Variants in FBN2 observed in about 807,000 individuals in gnomAD.
FBN2 encodes the protein fibrillin-2.
FBN2 carries 105 observed loss-of-function variants against 355.6 expected under a neutral mutation model. The ratio of observed to expected loss-of-function variants is 0.30; its 90% confidence interval spans 0.25 to 0.35. FBN2 has a LOEUF of 0.35. Ranked by LOEUF, FBN2 falls within the 10% of genes least tolerant of loss-of-function variation. The pLI is 1.00. For synonymous variants in FBN2, 1,350 were observed against 1,301.2 expected (o/e 1.04, Z -0.81); for missense variants, 3,280 against 3,758.7 (o/e 0.87, Z 3.33).
At chr5:128,277,340 TAGA>T (rs1344547463) in intron 58 of FBN2, among the ~76,000 whole-genome samples, 1 of 152,240 alleles carries the variant, frequency 6.6e-6, no homozygotes, top group Non-Finnish European at 1.5e-5. Flanking sequence ...TGTAAAATGA[TAGA>T]AGGATTCTGT....
At position 128,464,917 on chromosome 5, in the gene FBN2, G is replaced by A. The variant is rs1204572491; in HGVS notation, c.633C>T (p.Tyr211=). ...CCTGAGTGAAACACGGGCCTGTCCTGTAATCTGGAATGTGGGAGAAGAAAG... is the reference window on the plus strand; with the variant it reads ...CCTGAGTGAAACACGGGCCTGTCCTATAATCTGGAATGTGGGAGAAGAAAG... ...GFTGPQCERD[Y]RTGPCFTQVN... The change falls in exon 6 of 65, where the codon TAC becomes TAT. Residue 211 remains tyrosine (Y), a synonymous_variant. Coordinates refer to ENST00000262464, the MANE Select transcript of FBN2 (RefSeq NM_001999.4). 5 of 1,614,178 alleles carry A rather than the reference G, an allele frequency of 3.1e-6. No homozygotes were observed. The highest frequency in any genetic ancestry group is 1.1e-5 in the South Asian group (1 of 91,086).
chr5:128,327,299 G>A (rs1158542564), intron 34 of FBN2, among the ~76,000 whole-genome samples: 1 of 152,112 alleles, frequency 6.6e-6, no homozygotes, highest in Non-Finnish European at 1.5e-5. Flanking sequence ...CAAATTGGTT[G>A]CTATTTCTGG....
intron 5 of FBN2, among the ~76,000 whole-genome samples, chr5:128,497,121 G>T (rs562525184): frequency 6.6e-6 from 1 of 152,268 alleles, no homozygotes; most frequent in South Asian, 2.1e-4. Flanking sequence ...AAGACTGAAG[G>T]ATATCCTTTC....
chr5:128,402,360 T>A (rs1056762947), intron 8 of FBN2, among the ~76,000 whole-genome samples: 7 of 152,130 alleles, frequency 4.6e-5, no homozygotes, highest in African/African-American at 1.4e-4. Flanking sequence ...ATTCCTCTAA[T>A]CATTTTCTAT....
intron 55 of FBN2, 58 bp downstream of exon 55, chr5:128,286,660 A>C (rs1749154118): frequency 1.9e-6 from 3 of 1,601,928 alleles, no homozygotes; most frequent in African/African-American, 2.7e-5. Flanking sequence ...GAGTAGTGCC[A>C]TTAATGAGGC....
At position 128,286,771 on chromosome 5, in the gene FBN2, A is replaced by G. The variant is rs749681942; in HGVS notation, c.6959T>C (p.Met2320Thr). ...MMCKNLIGTF[M>T]CICPPGMARR... The stretch of plus-strand genomic sequence containing the variant: ...GGCCATTCCAGGAGGGCAGATGCAC[A>G]TGAAGGTGCCGATTAGATTCTTACA... Residue 2320 changes from methionine to threonine, a missense_variant, in exon 55 of 65, where the codon ATG becomes ACG. Met to Thr is a moderately conservative substitution (Grantham distance 81). Around this residue, in one of 6 missense-constraint regions of FBN2, gnomAD observed 2,284 missense variants for 2,749.5 expected, o/e 0.83. Transcript: ENST00000262464. 3.1e-6 allele frequency: 5 copies of G among 1,614,008 alleles called. No homozygotes were observed. Among genetic ancestry groups the G allele is most frequent in the Admixed American group, 3.3e-5 (2 of 60,006 alleles).
At chr5:128,262,006 G>A in intron 63 of FBN2, 99 bp from the exon 64 acceptor site, 1 of 907,304 alleles carries the variant, frequency 1.1e-6, no homozygotes, top group Non-Finnish European at 1.8e-6. Context: ...AACCAACAGA[G>A]CAAACACTAA....
chr5:128,265,823 T>C (rs1489640120), intron 62 of FBN2, among the ~76,000 whole-genome samples: 1 of 152,208 alleles, frequency 6.6e-6, no homozygotes, highest in Non-Finnish European at 1.5e-5. Context: ...CAAAGAACTT[T>C]CATTCTTCTT....
intron 14 of FBN2, among the ~76,000 whole-genome samples, 174 bp from the exon 15 acceptor site, chr5:128,374,924 A>G (rs555513697): frequency 1.3e-5 from 2 of 152,318 alleles, no homozygotes; most frequent in East Asian, 3.9e-4. Flanking sequence ...CTTTCAACAC[A>G]TTTCAGAATG....
chr5:128,319,469 TTTTAGTTAATTTAGTTAATTAAATAAA>T (rs539901597), intron 34 of FBN2, among the ~76,000 whole-genome samples: 27 of 151,726 alleles, frequency 1.8e-4, no homozygotes, highest in East Asian at 9.7e-4. Context: ...AAAATTAACT[TTTTAGTTAATTTAGTTAATTAAATAAA>T]TTTAGTTAAT....
chr5:128,413,997 C>T (rs2127006395), intron 7 of FBN2, among the ~76,000 whole-genome samples: 1 of 152,248 alleles, frequency 6.6e-6, no homozygotes, highest in African/African-American at 2.4e-5. Flanking sequence ...TCCAGCTTTT[C>T]TAAAGACAAC....
At chr5:128,307,279 C>A in intron 41 of FBN2, 76 bp from the exon 42 acceptor site, 3 of 866,804 alleles carry the variant, frequency 3.5e-6, no homozygotes, top group Non-Finnish European at 5.9e-6. Flanking sequence ...ATTACTTTCA[C>A]AAACAAATAT....
At chr5:128,464,076 A>G (rs1265401391) in intron 6 of FBN2, among the ~76,000 whole-genome samples, 1 of 152,216 alleles carries the variant, frequency 6.6e-6, no homozygotes, top group Non-Finnish European at 1.5e-5. Context: ...AAAATAATTA[A>G]TCAGTAAATA....
chr5:128,401,652 G>T (rs573417336), intron 8 of FBN2, among the ~76,000 whole-genome samples: 2 of 152,150 alleles, frequency 1.3e-5, no homozygotes, highest in Middle Eastern at 6.8e-3. Context: ...GTGGTGGCAC[G>T]TTGCTGTAGT....
rs1581260074 is a variant in FBN2 at position 128,393,069 on chromosome 5, T to C, written c.1465+66A>G. On this transcript the variant is annotated intron_variant, in intron 10 of 64. Transcript: ENST00000262464. ...CAACCCTTTTGAAAAATTAAAATTA[T>C]GTTAGATATTATAATGTCACTTGAG... The C allele has an allele frequency of 8.1e-6, 10 of 1,236,256 alleles. No homozygotes were observed. The East Asian group carries it at 2.1e-4, about 26-fold the overall frequency. 76.6% of individuals were successfully genotyped at this position (1,236,256 alleles called of 1,614,324 possible).
At chr5:128,262,180 A>G (rs1054029855) in intron 63 of FBN2, among the ~76,000 whole-genome samples, 1 of 152,174 alleles carries the variant, frequency 6.6e-6, no homozygotes, top group African/African-American at 2.4e-5. Context: ...CCTCCAAATT[A>G]GCAGGGACAA....
chr5:128,315,276 T>C (rs1750172569), intron 36 of FBN2, among the ~76,000 whole-genome samples: 1 of 152,208 alleles, frequency 6.6e-6, no homozygotes, highest in African/African-American at 2.4e-5. Context: ...ACTCAATTTT[T>C]TAATCTATAT....
At chr5:128,299,106 T>G (rs1749628928) in intron 48 of FBN2, among the ~76,000 whole-genome samples, 4 of 152,074 alleles carry the variant, frequency 2.6e-5, no homozygotes. Flanking sequence ...GAGGTGTCAG[T>G]CTGCCCCTGC....
intron 5 of FBN2, among the ~76,000 whole-genome samples, chr5:128,508,600 A>G (rs866203091): frequency 3.3e-5 from 5 of 151,998 alleles, no homozygotes; most frequent in Admixed American, 2.0e-4. Flanking sequence ...TGTTCAGTCA[A>G]TTGTTTCCTA....
Sources: gnomAD v4.1 joint callset for allele counts (sites outside exome capture counted in the v4.1 genomes callset) on GRCh38, gnomAD v4.1.1 for gene constraint, gnomAD v4.1.1 regional missense constraint, MANE v1.5 for transcripts, NCBI Gene and HGNC (gene_info 2026-07-23, HGNC 2026-07-21) for gene names.